Variants in PCDH15 observed in about 807,000 individuals in gnomAD.
PCDH15 encodes the protein protocadherin related 15, also known as protocadherin-15.
Under a neutral mutation model 178.5 loss-of-function variants are expected in PCDH15, and 129 were observed. That is an observed-to-expected ratio of 0.72 (90% CI 0.63 to 0.84). PCDH15 has a LOEUF of 0.84. Among genes scored for constraint, PCDH15 ranks in the 40% least tolerant of loss-of-function variants. The probability of loss-of-function intolerance (pLI) is 0.00; values close to 1 mark genes in which losing one functional copy is unlikely to be tolerated. For synonymous variants in PCDH15, 800 were observed against 732.0 expected, an observed-to-expected ratio of 1.09 and a Z score of -1.50; for missense variants, 2,230 against 2,099.9, an observed-to-expected ratio of 1.06 and a Z score of -1.21.
At chr10:55,429,886 C>A (rs1482834869) in intron 2 of PCDH15, among the ~76,000 whole-genome samples, 1 of 152,028 alleles carries the variant, frequency 6.6e-6, no homozygotes, top group Non-Finnish European at 1.5e-5. Context: ...TACATTTAAT[C>A]TTTAGCTTTG....
chr10:53,819,277 T>A (rs540419938), intron 33 of PCDH15, among the ~76,000 whole-genome samples: 1 of 152,172 alleles, frequency 6.6e-6, no homozygotes, highest in Admixed American at 6.5e-5. Context: ...TTCTGACTCC[T>A]TTTATTAGCA....
At chr10:54,991,323 TACTG>T (rs1396251096) in intron 2 of PCDH15, among the ~76,000 whole-genome samples, 1 of 152,188 alleles carries the variant, frequency 6.6e-6, no homozygotes, top group Non-Finnish European at 1.5e-5. Flanking sequence ...TTGTTCCACT[TACTG>T]AGTAGATGGA....
intron 2 of PCDH15, among the ~76,000 whole-genome samples, chr10:54,586,204 T>C (rs953260932): frequency 6.6e-6 from 1 of 152,176 alleles, no homozygotes; most frequent in African/African-American, 2.4e-5. Context: ...TAAATTTTTC[T>C]GAAAATAGAT....
At chr10:54,547,891 C>T (rs1205497533) in intron 2 of PCDH15, among the ~76,000 whole-genome samples, 1 of 151,848 alleles carries the variant, frequency 6.6e-6, no homozygotes, top group Non-Finnish European at 1.5e-5. Flanking sequence ...GCCATTTTCT[C>T]AGTTACCAGC....
At chr10:54,528,208 C>T (rs1024078530) in intron 2 of PCDH15, among the ~76,000 whole-genome samples, 6 of 151,692 alleles carry the variant, frequency 4.0e-5, no homozygotes, top group Admixed American at 3.9e-4. Context: ...GGATGATTAA[C>T]AAGGATAAAT....
At chr10:55,174,292 C>T (rs1839419513) in intron 1 of PCDH15, among the ~76,000 whole-genome samples, 1 of 152,124 alleles carries the variant, frequency 6.6e-6, no homozygotes, top group Admixed American at 6.5e-5. Flanking sequence ...GAAACCCGAT[C>T]TTGAAGGCAA....
chr10:54,677,476 AGT>A (rs1275559565), intron 1 of PCDH15, among the ~76,000 whole-genome samples: 1 of 152,048 alleles, frequency 6.6e-6, no homozygotes, highest in Non-Finnish European at 1.5e-5. Flanking sequence ...TGTGCATGGC[AGT>A]GTGTGTGTGC....
chr10:53,903,228 C>A lies in PCDH15; in HGVS notation c.3501+15G>T, dbSNP rs765864597. ...CTTTTACTTTAGTTCTGTATATTAA[C>A]ATAATTCCGCATACCTTCACTCTGA... is the stretch of plus-strand genomic sequence containing the variant. On this transcript the variant is annotated intron_variant, in intron 26 of 37. Coordinates refer to ENST00000644397, the MANE Select transcript of PCDH15 (RefSeq NM_001384140.1). 6.2e-7 allele frequency: 1 copy of A among 1,611,816 alleles called. No individual in the cohort carries two copies. Among genetic ancestry groups the A allele is most frequent in the Non-Finnish European group, 8.5e-7 (1 of 1,178,878 alleles).
intron 34 of PCDH15, among the ~76,000 whole-genome samples, chr10:53,817,486 A>G (rs748491790): frequency 6.8e-6 from 1 of 147,032 alleles, no homozygotes; most frequent in East Asian, 2.0e-4. Context: ...GTAGTCCTAT[A>G]TATATATTCT....
chr10:54,013,468 C>T (rs913694826), intron 20 of PCDH15, among the ~76,000 whole-genome samples: 1 of 152,152 alleles, frequency 6.6e-6, no homozygotes, highest in African/African-American at 2.4e-5. Context: ...CTTCTCATCA[C>T]CACATGGCAC....
intron 3 of PCDH15, among the ~76,000 whole-genome samples, chr10:54,845,418 CA>C (rs1953491334): frequency 6.6e-6 from 1 of 151,968 alleles, no homozygotes; most frequent in South Asian, 2.1e-4. Context: ...AAGGTTGGGT[CA>C]AACTAGAGAA....
intron 1 of PCDH15, among the ~76,000 whole-genome samples, chr10:54,729,914 T>C (rs1943102793): frequency 6.6e-6 from 1 of 151,384 alleles, no homozygotes; most frequent in African/African-American, 2.4e-5. Flanking sequence ...CCTGGCAAGG[T>C]TGCAGAGAAA....
At chr10:54,651,843 C>T (rs1287934742) in intron 2 of PCDH15, among the ~76,000 whole-genome samples, 1 of 152,116 alleles carries the variant, frequency 6.6e-6, no homozygotes, top group Admixed American at 6.5e-5. Context: ...ATTTAAACAA[C>T]TCATCAGAAC....
At chr10:53,838,469 A>C (rs1263288877) in intron 29 of PCDH15, among the ~76,000 whole-genome samples, 1 of 152,030 alleles carries the variant, frequency 6.6e-6, no homozygotes, top group Admixed American at 6.5e-5. Flanking sequence ...TTTTTCCCCA[A>C]ATATTTAATC....
rs188114281 is a variant in PCDH15, at chr10:54,262,447, T to C, written c.877-25516A>G. Among the ~76,000 whole-genome samples, 4 of 152,134 alleles carry C rather than the reference T, an allele frequency of 2.6e-5. No homozygotes were observed. In the East Asian group the frequency reaches 7.8e-4, roughly 29 times the overall value. On this transcript the variant is annotated intron_variant, in intron 8 of 37. Transcript: ENST00000644397. ...GCAAGAGGGTGTCCACAGCACAACA[T>C]CCACTGCCCAGCTTAAGTGTTTTGT...
chr10:55,055,227 T>C (rs534147169), intron 2 of PCDH15, among the ~76,000 whole-genome samples: 2 of 152,302 alleles, frequency 1.3e-5, no homozygotes, highest in East Asian at 1.9e-4. Flanking sequence ...ATCTTTTGCA[T>C]ATGGCTAGCC....
chr10:54,726,424 GTGTGT>G (rs1566051674), intron 1 of PCDH15, among the ~76,000 whole-genome samples: 77 of 94,384 alleles, frequency 8.2e-4, no homozygotes, highest in East Asian at 1.8e-3. Context: ...TCAGGGGTGT[GTGTGT>G]GTGTGTGTGT....
At chr10:54,491,131 G>C (rs1589687304) in intron 3 of PCDH15, among the ~76,000 whole-genome samples, 2 of 152,120 alleles carry the variant, frequency 1.3e-5, no homozygotes, top group African/African-American at 4.8e-5. Context: ...AGATGTAGTA[G>C]AAATGCAGTA....
At chr10:54,626,845 T>C (rs2093567760) in intron 2 of PCDH15, among the ~76,000 whole-genome samples, 2 of 152,048 alleles carry the variant, frequency 1.3e-5, no homozygotes, top group African/African-American at 4.8e-5. Flanking sequence ...AGACACTCAA[T>C]ACCAGCCCAT....
Sources: gnomAD v4.1 joint callset for allele counts (sites outside exome capture counted in the v4.1 genomes callset) on GRCh38, gnomAD v4.1.1 for gene constraint, MANE v1.5 for transcripts, NCBI Gene and HGNC (gene_info 2026-07-23, HGNC 2026-07-21) for gene names.